The following LRRC40 variants were observed in gnomAD, a reference collection of about 807,000 sequenced individuals.
LRRC40 encodes leucine rich repeat containing 40, also known as leucine-rich repeat-containing protein 40.
In LRRC40, 76 loss-of-function variants were observed where a neutral mutation model predicts 72.8. The ratio of observed to expected loss-of-function variants is 1.04; its 90% CI spans 0.87 to 1.26. The LOEUF (loss-of-function observed/expected upper bound fraction) is 1.26. LRRC40 is among the 50% of genes most tolerant of loss of function. The pLI is 0.00. For missense variants in LRRC40, 684 were observed against 698.9 expected (o/e 0.98, Z 0.24); for synonymous variants, 243 against 254.2 (o/e 0.96, Z 0.42).
At chr1:70,179,115 C>T (rs930333858) in intron 5 of LRRC40, 122 bp from the exon 6 acceptor site, 34 of 446,146 alleles carry the variant, frequency 7.6e-5, no homozygotes, top group Non-Finnish European at 1.2e-4. Context: ...GCCATATAAT[C>T]AAGAATATTC....
At chr1:70,160,344 C>T (rs916121435) in intron 9 of LRRC40, among the ~76,000 whole-genome samples, 7 of 152,104 alleles carry the variant, frequency 4.6e-5, no homozygotes, top group Non-Finnish European at 1.0e-4. Flanking sequence ...GCATTGAGCT[C>T]ATCAGTTATT....
chr1:70,171,693 G>A (rs1011170940), intron 9 of LRRC40, among the ~76,000 whole-genome samples: 2 of 152,064 alleles, frequency 1.3e-5, no homozygotes, highest in African/African-American at 4.8e-5. Flanking sequence ...TGTTGATGAG[G>A]ATGATGACAA....
chr1:70,190,496 C>G (rs1668469220), intron 1 of LRRC40, among the ~76,000 whole-genome samples: 1 of 150,190 alleles, frequency 6.7e-6, no homozygotes, highest in Non-Finnish European at 1.5e-5. Context: ...GCCTAGGCAT[C>G]AAAGAAAAAC....
chr1:70,171,403 C>G (rs563399193), intron 9 of LRRC40, among the ~76,000 whole-genome samples: 44 of 150,164 alleles, frequency 2.9e-4, no homozygotes, highest in Middle Eastern at 3.5e-3. Context: ...AATGAAAAGA[C>G]AACCCACAGA....
intron 1 of LRRC40, among the ~76,000 whole-genome samples, chr1:70,195,925 C>T (rs564016252): frequency 6.6e-6 from 1 of 152,184 alleles, no homozygotes; most frequent in African/African-American, 2.4e-5. Flanking sequence ...CGTGAGCCAC[C>T]ACGCCAGGAC....
chr1:70,175,208 T>A (rs557413238), intron 7 of LRRC40, among the ~76,000 whole-genome samples: 1 of 152,146 alleles, frequency 6.6e-6, no homozygotes, highest in Non-Finnish European at 1.5e-5. Context: ...TGACAAATGA[T>A]AAATTAAGTC....
intron 1 of LRRC40, among the ~76,000 whole-genome samples, chr1:70,203,083 G>T (rs1459678884): frequency 6.6e-6 from 1 of 152,120 alleles, no homozygotes; most frequent in Non-Finnish European, 1.5e-5. Context: ...TAGAGATGGG[G>T]TCTCACTATG....
In LRRC40 at chr1:70,205,546, A is replaced by C; in HGVS notation, c.-6T>G. The C allele has an allele frequency of 4.4e-6, 7 of 1,592,180 alleles. No homozygotes were observed. Among genetic ancestry groups the C allele is most frequent in the Non-Finnish European group, 6.0e-6 (7 of 1,163,338 alleles). On this transcript the variant is annotated 5_prime_UTR_variant, in exon 1 of 15. Transcript: ENST00000370952. ...ATCCGCTTCAGGCGCGACATGTTCA[A>C]AGTCCTAGGTCCAGAAGCTGCAGCC...
At chr1:70,170,666 C>T (rs1475042009) in intron 9 of LRRC40, among the ~76,000 whole-genome samples, 2 of 151,996 alleles carry the variant, frequency 1.3e-5, no homozygotes, top group Non-Finnish European at 2.9e-5. Context: ...TAGAAATAAA[C>T]AAGTATAAAA....
chr1:70,188,541 T>C (rs1668417684), intron 2 of LRRC40, among the ~76,000 whole-genome samples: 1 of 151,520 alleles, frequency 6.6e-6, no homozygotes, highest in South Asian at 2.1e-4. Flanking sequence ...TCAAGACCAG[T>C]CTGGGAAACA....
chr1:70,187,394 T>A, intron 2 of LRRC40, 56 bp from the exon 3 acceptor site: 1 of 853,002 alleles, frequency 1.2e-6, no homozygotes, highest in East Asian at 2.5e-5. Context: ...TAACAATATA[T>A]AAGCTTTGCC....
At chr1:70,190,544 C>T (rs1668472155) in intron 1 of LRRC40, among the ~76,000 whole-genome samples, 1 of 151,098 alleles carries the variant, frequency 6.6e-6, no homozygotes, top group Non-Finnish European at 1.5e-5. Context: ...GGTGTGATGG[C>T]ACACACCTGT....
chr1:70,175,446 G>A (rs542057238), intron 7 of LRRC40, among the ~76,000 whole-genome samples: 22 of 152,208 alleles, frequency 1.4e-4, no homozygotes, highest in South Asian at 4.1e-4. Context: ...ATTCTAAAAC[G>A]TACCCATATT....
At chr1:70,169,663 T>A (rs1419623245) in intron 9 of LRRC40, among the ~76,000 whole-genome samples, 1 of 152,216 alleles carries the variant, frequency 6.6e-6, no homozygotes, top group South Asian at 2.1e-4. Flanking sequence ...GGCAACTATA[T>A]GCCAACAAAT....
chr1:70,198,759 T>C (rs1668669247), intron 1 of LRRC40, among the ~76,000 whole-genome samples: 1 of 152,124 alleles, frequency 6.6e-6, no homozygotes, highest in Admixed American at 6.5e-5. Context: ...TGGACTATTA[T>C]ACAGCCACTA....
chr1:70,178,045 T>C lies in LRRC40; in HGVS notation c.804+806A>G, dbSNP rs115881255. On this transcript the variant is annotated intron_variant, in intron 6 of 14. Transcript: ENST00000370952. ...GTAAGAACATAGTACATAATACATA[T>C]GGCATACAAATTATGTGTTAACCAT... Among the ~76,000 whole-genome samples, 1,255 of 152,332 alleles carry C rather than the reference T, an allele frequency of 8.2e-3. 18 individuals are homozygous for C. Among genetic ancestry groups the C allele is most frequent in the African/African-American group, 0.029 (1,189 of 41,572 alleles).
chr1:70,148,582 C>T lies in LRRC40; in HGVS notation c.1608G>A (p.Gln536=), dbSNP rs1667377252. Residue 536 remains glutamine, a synonymous_variant, in exon 14 of 15, where the codon CAG becomes CAA. Transcript: ENST00000370952. ...SNNQVGSVDP[Q]KMKMMENLTT... ...TCAGATTTTCCATCATCTTCATTTT[C>T]TGAGGGTCCACAGATCCAACCTGAT... 1.2e-6 allele frequency: 2 copies of T among 1,613,236 alleles called. No homozygotes were observed. The highest frequency in any genetic ancestry group is 1.7e-6 in the Non-Finnish European group (2 of 1,179,474).
At chr1:70,195,847 G>A (rs766547263) in intron 1 of LRRC40, among the ~76,000 whole-genome samples, 100 of 152,256 alleles carry the variant, frequency 6.6e-4, no homozygotes, top group Non-Finnish European at 2.9e-4. Flanking sequence ...TGTTGGCCAG[G>A]CTGGTCTCGA....
chr1:70,192,076 T>A (rs1160762747), intron 1 of LRRC40, among the ~76,000 whole-genome samples: 2 of 152,160 alleles, frequency 1.3e-5, no homozygotes, highest in Non-Finnish European at 2.9e-5. Context: ...ACCATTTTAA[T>A]GATATTGATT....
Sources: gnomAD v4.1 joint callset for allele counts (sites outside exome capture counted in the v4.1 genomes callset) on GRCh38, gnomAD v4.1.1 for gene constraint, MANE v1.5 for transcripts, NCBI Gene and HGNC (gene_info 2026-07-23, HGNC 2026-07-21) for gene names.